IL1RAPL2: variants seen among roughly 807,000 people sequenced by gnomAD.
The protein encoded by IL1RAPL2 is interleukin 1 receptor accessory protein like 2.
IL1RAPL2 carries 3 observed loss-of-function variants against 44.1 expected under a neutral mutation model. The observed-to-expected ratio is 0.07, with a 90% confidence interval of 0.03 to 0.18. The LOEUF is 0.18. Ranked by LOEUF, IL1RAPL2 falls within the 10% of genes least tolerant of loss-of-function variation. The pLI, the probability that IL1RAPL2 is intolerant of heterozygous loss-of-function variation, is 1.00. For synonymous variants in IL1RAPL2, 181 were observed against 178.8 expected, an observed-to-expected ratio of 1.01 and a Z score of -0.10; for missense variants, 391 against 496.4, an observed-to-expected ratio of 0.79 and a Z score of 2.02.
intron 2 of IL1RAPL2, among the ~76,000 whole-genome samples, chrX:104,822,429 G>GGT (rs1921328419): frequency 8.9e-6 from 1 of 111,736 alleles, no homozygotes; most frequent in Non-Finnish European, 1.9e-5. Context: ...TTTTGTATAA[G>GGT]GTGTAAGGAA....
chrX:104,734,295 T>C (rs900312632), intron 2 of IL1RAPL2, among the ~76,000 whole-genome samples: 1 of 112,247 alleles, frequency 8.9e-6, no homozygotes, highest in Non-Finnish European at 1.9e-5. Context: ...ATTGCGCTTT[T>C]GGGCATTTAT....
In IL1RAPL2 at chrX:104,566,988, C is replaced by T. The variant is rs1928047358; in HGVS notation, c.-83C>T. On this transcript the variant is annotated 5_prime_UTR_variant, in exon 1 of 11. Coordinates refer to ENST00000372582, the MANE Select transcript of IL1RAPL2 (RefSeq NM_017416.2). ...CCGGAACCCGGCTCGCCGTCTCGCC[C>T]TGGACATGGAACTACGCATCTGAGA... The T allele has an allele frequency of 8.9e-6, 1 of 112,719 alleles. No individual in the cohort carries two copies. Among genetic ancestry groups the T allele is most frequent in the Admixed American group, 9.3e-5 (1 of 10,730 alleles). The allele number at this position is 112,719 out of a possible 1,213,427, so 9.3% of individuals were successfully genotyped here.
At chrX:105,064,190 G>T (rs904024681) in intron 2 of IL1RAPL2, among the ~76,000 whole-genome samples, 1 of 112,030 alleles carries the variant, frequency 8.9e-6, no homozygotes, top group African/African-American at 3.2e-5. Context: ...CCAAGGAGTG[G>T]AGTCAAAAAC....
chrX:105,609,107 A>G (rs1327609677), intron 6 of IL1RAPL2, among the ~76,000 whole-genome samples: 1 of 111,610 alleles, frequency 9.0e-6, no homozygotes, highest in Admixed American at 9.6e-5. Context: ...TTGGTTCTTT[A>G]TGCTCAAAAT....
At chrX:105,696,443 A>G (rs963732604) in intron 6 of IL1RAPL2, among the ~76,000 whole-genome samples, 4 of 111,503 alleles carry the variant, frequency 3.6e-5, no homozygotes, top group Non-Finnish European at 7.5e-5. Flanking sequence ...ATAGCCAAGG[A>G]GCACCAATCT....
chrX:105,766,865 G>A, intron 10 of IL1RAPL2, 99 bp from the exon 11 acceptor site: 2 of 543,729 alleles, frequency 3.7e-6, no homozygotes, highest in South Asian at 7.0e-5. Context: ...ATGGACTTTA[G>A]TGAGAGACTG....
chrX:105,761,260 C>A (rs1390967991), intron 10 of IL1RAPL2, among the ~76,000 whole-genome samples: 1 of 106,698 alleles, frequency 9.4e-6, no homozygotes, highest in Non-Finnish European at 1.9e-5. Flanking sequence ...CACACACACA[C>A]ACGGCTAACT....
chrX:105,531,826 G>C (rs748599643), intron 6 of IL1RAPL2, among the ~76,000 whole-genome samples: 1 of 111,798 alleles, frequency 8.9e-6, no homozygotes, highest in South Asian at 3.8e-4. Flanking sequence ...CTTTTCCCCA[G>C]TGTTTGTTCT....
intron 2 of IL1RAPL2, among the ~76,000 whole-genome samples, chrX:104,890,395 C>T (rs1278154505): frequency 8.9e-6 from 1 of 111,772 alleles, no homozygotes; most frequent in Non-Finnish European, 1.9e-5. Context: ...AATGATAGAA[C>T]TAGTTTACAG....
At chrX:105,508,898 G>A (rs140746645) in intron 6 of IL1RAPL2, among the ~76,000 whole-genome samples, 342 of 111,802 alleles carry the variant, frequency 3.1e-3, no homozygotes, top group African/African-American at 0.011. Context: ...TTCCCTAAGT[G>A]TCAGGAGACA....
chrX:105,045,784 A>C lies in IL1RAPL2; in HGVS notation c.83-149691A>C, dbSNP rs764620680. Among the ~76,000 whole-genome samples the C allele has an allele frequency of 8.7e-4, 96 of 110,765 alleles. 2 individuals carry two copies. Among genetic ancestry groups the C allele is most frequent in the Admixed American group, 7.7e-3 (80 of 10,372 alleles). ...TGCTATGCTGCCCAGGCTAGTCTTG[A>C]ACTCCTGGCCTCAAGAAATCCTCCT... is the stretch of plus-strand genomic sequence containing the variant. On this transcript the variant is annotated intron_variant, in intron 2 of 10. Coordinates refer to ENST00000372582, the MANE Select transcript of IL1RAPL2 (RefSeq NM_017416.2).
intron 2 of IL1RAPL2, among the ~76,000 whole-genome samples, chrX:104,907,853 ATCC>A (rs1924071727): frequency 9.1e-6 from 1 of 109,674 alleles, no homozygotes; most frequent in Admixed American, 9.8e-5. Flanking sequence ...ATTCCTGGGT[ATCC>A]TTGTTGACTT....
chrX:104,637,819 T>C (rs1056068467), intron 1 of IL1RAPL2, among the ~76,000 whole-genome samples: 9 of 109,788 alleles, frequency 8.2e-5, no homozygotes, highest in African/African-American at 3.0e-4. Flanking sequence ...TGTGTGTGTG[T>C]GTGTCTGTGT....
At chrX:105,414,652 A>G (rs2035720260) in intron 5 of IL1RAPL2, among the ~76,000 whole-genome samples, 1 of 111,284 alleles carries the variant, frequency 9.0e-6, no homozygotes, top group Non-Finnish European at 1.9e-5. Flanking sequence ...TCATTTCACT[A>G]TTCATTTGAT....
chrX:104,797,512 A>G (rs1932858300), intron 2 of IL1RAPL2, among the ~76,000 whole-genome samples: 1 of 111,909 alleles, frequency 8.9e-6, no homozygotes, highest in Non-Finnish European at 1.9e-5. Flanking sequence ...TGTGTTGTGC[A>G]TGTTAGGATA....
At chrX:104,992,493 C>T (rs1450894914) in intron 2 of IL1RAPL2, among the ~76,000 whole-genome samples, 1 of 111,280 alleles carries the variant, frequency 9.0e-6, no homozygotes, top group Non-Finnish European at 1.9e-5. Context: ...TGATTTCAGA[C>T]ATAGCCATAG....
intron 2 of IL1RAPL2, among the ~76,000 whole-genome samples, chrX:104,999,480 A>G (rs1417143493): frequency 8.9e-6 from 1 of 112,042 alleles, no homozygotes; most frequent in Non-Finnish European, 1.9e-5. Context: ...AAGCGAGGCC[A>G]ATCTGCACAG....
At chrX:104,819,993 C>T (rs1921257467) in intron 2 of IL1RAPL2, among the ~76,000 whole-genome samples, 3 of 110,738 alleles carry the variant, frequency 2.7e-5, no homozygotes, top group African/African-American at 9.9e-5. Flanking sequence ...TAAATCTTTC[C>T]TAAAGTGGTC....
intron 2 of IL1RAPL2, among the ~76,000 whole-genome samples, chrX:105,102,531 T>C (rs1490463258): frequency 8.9e-6 from 1 of 112,181 alleles, no homozygotes; most frequent in Non-Finnish European, 1.9e-5. Flanking sequence ...TGTATATACA[T>C]ATGTGTACAC....
Sources: gnomAD v4.1 joint callset for allele counts (sites outside exome capture counted in the v4.1 genomes callset) on GRCh38, gnomAD v4.1.1 for gene constraint, MANE v1.5 for transcripts, NCBI Gene and HGNC (gene_info 2026-07-23, HGNC 2026-07-21) for gene names.